The following ADCY2 variants were observed in gnomAD, a reference collection of about 807,000 sequenced individuals.
ADCY2 encodes the protein adenylate cyclase 2.
In ADCY2, 31 loss-of-function variants were observed where a neutral mutation model predicts 125.2. The ratio of observed to expected loss-of-function variants is 0.25; its 90% CI spans 0.19 to 0.33. The LOEUF (loss-of-function observed/expected upper bound fraction) is 0.33. ADCY2 is among the 10% of genes least tolerant of loss of function. ADCY2 has a pLI of 1.00. For missense variants in ADCY2, 904 were observed against 1,418.2 expected, an observed-to-expected ratio of 0.64 and a Z score of 5.82; for synonymous variants, 512 against 548.4, an observed-to-expected ratio of 0.93 and a Z score of 0.93.
chr5:7,670,201 G>A (rs1407387206), intron 4 of ADCY2, among the ~76,000 whole-genome samples: 5 of 152,102 alleles, frequency 3.3e-5, no homozygotes, highest in Non-Finnish European at 5.9e-5. Flanking sequence ...ACAGGGAGGC[G>A]TGGCACTGAG....
intron 2 of ADCY2, among the ~76,000 whole-genome samples, chr5:7,482,789 T>C (rs866180905): frequency 7.0e-6 from 1 of 143,234 alleles, no homozygotes; most frequent in Non-Finnish European, 1.5e-5. Context: ...TATATATATA[T>C]ATACACACAC....
intron 5 of ADCY2, among the ~76,000 whole-genome samples, chr5:7,693,421 T>TTG (rs1740783179): frequency 8.3e-6 from 1 of 120,616 alleles, no homozygotes; most frequent in Non-Finnish European, 1.8e-5. Context: ...TTGTTTTTTT[T>TTG]TTTTTTTTTT....
In ADCY2 at chr5:7,706,716, A is replaced by G. The variant is rs1182325624; in HGVS notation, c.1110-28A>G. On this transcript the variant is annotated intron_variant, in intron 7 of 24. Coordinates refer to ENST00000338316, the MANE Select transcript of ADCY2 (RefSeq NM_020546.3). ...TAAAGGAAACAGTGGATGTTACTTG[A>G]TCATGATCTTACTTCCCTTCTCTTT... 4 of 1,612,532 alleles carry G rather than the reference A, an allele frequency of 2.5e-6. No individual in the cohort carries two copies. In the African/African-American group the frequency reaches 5.3e-5, roughly 22 times the overall value.
At chr5:7,476,537 C>T (rs934739770) in intron 2 of ADCY2, among the ~76,000 whole-genome samples, 4 of 152,186 alleles carry the variant, frequency 2.6e-5, no homozygotes, top group Admixed American at 1.3e-4. Flanking sequence ...CTGGCTTCTT[C>T]TAGGCCCCTT....
chr5:7,663,680 A>G (rs1231396889), intron 4 of ADCY2, among the ~76,000 whole-genome samples: 1 of 152,230 alleles, frequency 6.6e-6, no homozygotes, highest in African/African-American at 2.4e-5. Context: ...AAGACCAGCC[A>G]GAGCCCTCCA....
chr5:7,767,033 C>T (rs1284309731), intron 17 of ADCY2, among the ~76,000 whole-genome samples: 5 of 152,204 alleles, frequency 3.3e-5, no homozygotes, highest in Non-Finnish European at 7.3e-5. Flanking sequence ...GTCATGCTTT[C>T]ACCAGTAATG....
At position 7,589,478 on chromosome 5, in the gene ADCY2, G is replaced by GAAAGAAAGAAAGAA. The variant is rs1736756047; in HGVS notation, c.571-36687_571-36674dup. 1.4e-4 allele frequency among the ~76,000 whole-genome samples: 7 copies of GAAAGAAAGAAAGAA among 50,738 alleles called. 1 individual carries two copies. The highest frequency in any genetic ancestry group is 2.9e-4 in the Non-Finnish European group (6 of 20,974). The allele number at this position is 50,738 out of a possible 152,430, so 33.3% of individuals were successfully genotyped here. On this transcript the variant is annotated intron_variant, in intron 3 of 24. Coordinates refer to ENST00000338316, the MANE Select transcript of ADCY2 (RefSeq NM_020546.3). ...AAAGAAAAAGAAAGAAAGAAAGAAA[G>GAAAGAAAGAAAGAA]AAAGAAAGAAAGAAAGAAAGAAAGA...
At chr5:7,591,744 GCATAGAATCAAA>G (rs1736854793) in intron 3 of ADCY2, among the ~76,000 whole-genome samples, 1 of 152,146 alleles carries the variant, frequency 6.6e-6, no homozygotes, top group South Asian at 2.1e-4. Context: ...GGCAATCCAC[GCATAGAATCAAA>G]CACACCTAGG....
intron 4 of ADCY2, among the ~76,000 whole-genome samples, chr5:7,626,881 A>G (rs1220251254): frequency 6.6e-6 from 1 of 152,148 alleles, no homozygotes; most frequent in Non-Finnish European, 1.5e-5. Context: ...TCTAAACTGT[A>G]ATAGAGAGTT....
Position 7,721,913 on chromosome 5 carries a change from G to C in ADCY2, c.1704-2632G>C, listed in dbSNP as rs150892589. On this transcript the variant is annotated intron_variant, in intron 12 of 24. Transcript: ENST00000338316. ...GATACTATCCATCAAAAATGCATCT[G>C]TTCTTATTACAAAATTAATGTTGAG... Among the ~76,000 whole-genome samples, 331 of 152,288 alleles carry C rather than the reference G, an allele frequency of 2.2e-3. 3 individuals are homozygous for C. Among genetic ancestry groups the C allele is most frequent in the African/African-American group, 7.6e-3 (316 of 41,562 alleles).
chr5:7,518,370 T>A (rs1046069444), intron 2 of ADCY2, among the ~76,000 whole-genome samples: 3 of 152,170 alleles, frequency 2.0e-5, no homozygotes, highest in Admixed American at 6.5e-5. Flanking sequence ...GCATGCCTGA[T>A]ATGTCTTCCC....
chr5:7,763,038 T>TTTC (rs1553986204), intron 16 of ADCY2, among the ~76,000 whole-genome samples: 3 of 143,870 alleles, frequency 2.1e-5, no homozygotes, highest in Admixed American at 1.4e-4. Context: ...AGTGCTTTCA[T>TTTC]TTTCTTTGTT....
chr5:7,560,357 T>G (rs1561094752), intron 3 of ADCY2, among the ~76,000 whole-genome samples: 1 of 152,206 alleles, frequency 6.6e-6, no homozygotes, highest in Non-Finnish European at 1.5e-5. Flanking sequence ...ATAGCAAGTT[T>G]AAGGTGTTTG....
chr5:7,557,343 C>A (rs995732841), intron 3 of ADCY2, among the ~76,000 whole-genome samples: 9 of 151,862 alleles, frequency 5.9e-5, no homozygotes, highest in African/African-American at 1.9e-4. Flanking sequence ...GTCTGACATA[C>A]CTGAAATAGC....
intron 3 of ADCY2, among the ~76,000 whole-genome samples, chr5:7,586,386 G>T (rs1248736750): frequency 6.6e-6 from 1 of 152,086 alleles, no homozygotes; most frequent in South Asian, 2.1e-4. Context: ...ACATTAACAG[G>T]CCTGTCCTTT....
intron 18 of ADCY2, chr5:7,782,342 T>C (rs1373429365): frequency 6.1e-6 from 1 of 164,208 alleles, no homozygotes; most frequent in Non-Finnish European, 1.5e-5. Flanking sequence ...ACAGGATTTC[T>C]CCCAATAGGT....
chr5:7,515,374 T>A (rs1311135140), intron 2 of ADCY2, among the ~76,000 whole-genome samples: 1 of 152,128 alleles, frequency 6.6e-6, no homozygotes, highest in Non-Finnish European at 1.5e-5. Context: ...TGTTTTGGGG[T>A]AGGCAGGAGC....
At chr5:7,534,325 A>G (rs911754163) in intron 3 of ADCY2, among the ~76,000 whole-genome samples, 1 of 152,240 alleles carries the variant, frequency 6.6e-6, no homozygotes, top group South Asian at 2.1e-4. Context: ...AATTGCATGC[A>G]TGTTTCTCAT....
At position 7,396,728 on chromosome 5, in the gene ADCY2, T is replaced by C. The variant is rs1739061065; in HGVS notation, c.210+222T>C. Among the ~76,000 whole-genome samples the C allele has an allele frequency of 6.6e-6, 1 of 151,472 alleles. No homozygotes were observed. Among genetic ancestry groups the C allele is most frequent in the East Asian group, 2.0e-4 (1 of 5,114 alleles). On this transcript the variant is annotated intron_variant, in intron 1 of 24. Transcript: ENST00000338316. This position sits in a 1 kb window ranked among gnomAD's most constrained non-coding sequence, Gnocchi z 5.7. ...GGAGAAAAGTTTCCTGGGAAGGCTC[T>C]TCCCAAAATAAAGTTCCCGAGGTGT...
Sources: gnomAD v4.1 joint callset for allele counts (sites outside exome capture counted in the v4.1 genomes callset) on GRCh38, gnomAD v4.1.1 for gene constraint, Gnocchi (gnomAD v3.1) non-coding constraint, MANE v1.5 for transcripts, NCBI Gene and HGNC (gene_info 2026-07-23, HGNC 2026-07-21) for gene names.